The following HNRNPA0 variants were observed in gnomAD, a reference collection of about 807,000 sequenced individuals.
HNRNPA0 encodes the protein hnRNA binding protein.
For synonymous variants in HNRNPA0, 243 were observed against 195.5 expected, an observed-to-expected ratio of 1.24 and a Z score of -2.03; for missense variants, 252 against 433.7, an observed-to-expected ratio of 0.58 and a Z score of 3.72.
Position 137,753,038 on chromosome 5 carries a change from C to T in HNRNPA0, c.*111G>A. The T allele has an allele frequency of 8.0e-7, 1 of 1,248,718 alleles. No homozygotes were observed. Among genetic ancestry groups the T allele is most frequent in the Admixed American group, 2.6e-5 (1 of 39,202 alleles). The allele number at this position is 1,248,718 out of a possible 1,614,324, so 77.4% of individuals were successfully genotyped here. A position where few individuals can be genotyped will look rare whatever the true frequency, so the allele number is the denominator to read the frequency against. On this transcript the variant is annotated 3_prime_UTR_variant, in exon 1 of 1. Coordinates refer to ENST00000314940, the MANE Select transcript of HNRNPA0 (RefSeq NM_006805.4). This position sits in a 1 kb window ranked among gnomAD's most constrained non-coding sequence, Gnocchi z 6.1. ...GCCTTAGAAGTGGCTCCCCCAAGGG[C>T]AAAACAGGGAAGGCGGTGTGTGTGA...
rs1279000075 is a variant in HNRNPA0, at chr5:137,748,293, T to G, written c.*4856A>C. On this transcript the variant is annotated 3_prime_UTR_variant, in exon 1 of 1. Coordinates refer to ENST00000314940, the MANE Select transcript of HNRNPA0 (RefSeq NM_006805.4). The stretch of plus-strand genomic sequence containing the variant: ...CACCTCTCCTCAACACTCACATTAT[T>G]TATACCTTCCTAATATTAACAAATA... 6.6e-6 allele frequency: 1 copy of G among 152,154 alleles called. No homozygotes were observed. Among genetic ancestry groups the G allele is most frequent in the Non-Finnish European group, 1.5e-5 (1 of 68,022 alleles). 9.4% of individuals were successfully genotyped at this position (152,154 alleles called of 1,614,324 possible).
chr5:137,747,657 T>TA lies in HNRNPA0; in HGVS notation c.*5491dup, dbSNP rs1753429986. On this transcript the variant is annotated 3_prime_UTR_variant, in exon 1 of 1. Coordinates refer to ENST00000314940, the MANE Select transcript of HNRNPA0 (RefSeq NM_006805.4). ...CTTACCTGGTTAACATCAGTTGTCT[T>TA]AGCAAACTTGCCACTTTGAAACATC... The TA allele has an allele frequency of 6.6e-6, 1 of 152,252 alleles. No homozygotes were observed. Among genetic ancestry groups the TA allele is most frequent in the African/African-American group, 2.4e-5 (1 of 41,464 alleles). The allele number at this position is 152,252 out of a possible 1,614,324, so 9.4% of individuals were successfully genotyped here.
chr5:137,753,367 A>AGGCATTGCAGCCGCCGCCTCCGCC lies in HNRNPA0; in HGVS notation c.699_700insGGCGGAGGCGGCGGCTGCAATGCC (p.Ala233_Tyr234insGlyGlyGlyGlyGlyCysAsnAla), dbSNP rs1753543311. ...GACGAACCGCCGCCGCCGCCTCCGT[A>AGGCATTGCAGCCGCCGCCTCCGCC]GGCATTGTAGCCGCCGCCTCCGCCG... On this transcript the variant is annotated inframe_insertion, in exon 1 of 1. Transcript: ENST00000314940. The surrounding 1 kb of genome is among the most constrained non-coding windows in gnomAD (Gnocchi z 6.1). 2 of 1,546,984 alleles carry AGGCATTGCAGCCGCCGCCTCCGCC rather than the reference A, an allele frequency of 1.3e-6. No homozygotes were observed. Among genetic ancestry groups the AGGCATTGCAGCCGCCGCCTCCGCC allele is most frequent in the East Asian group, 4.9e-5 (2 of 40,828 alleles).
At position 137,753,493 on chromosome 5, in the gene HNRNPA0, G is replaced by A. The variant is rs1429093815; in HGVS notation, c.574C>T (p.Arg192Trp). The A allele has an allele frequency of 6.3e-7, 1 of 1,590,428 alleles. No homozygotes were observed. The highest frequency in any genetic ancestry group is 1.8e-5 in the Admixed American group (1 of 56,258). The change falls in exon 1 of 1, where the codon CGG (arginine) becomes TGG (tryptophan). Residue 192 changes from arginine to tryptophan, a missense_variant. By Grantham distance (101) the Arg-to-Trp change is moderately radical. Transcript: ENST00000314940. The surrounding 1 kb of genome is among the most constrained non-coding windows in gnomAD (Gnocchi z 6.1). ...CGCCCCCGGCCGCCTCGGCCGCCCCGGGAGGATCGGGAGCCGCCTCCACCC... is the reference window on the plus strand; with the variant it reads ...CGCCCCCGGCCGCCTCGGCCGCCCCAGGAGGATCGGGAGCCGCCTCCACCC... ...GGGGGGSRSS[R>W]GGRGGRGRGG... is the part of the protein sequence containing the mutation.
In HNRNPA0 at chr5:137,747,252, T is replaced by A. The variant is rs1439329374; in HGVS notation, c.*5897A>T. The A allele has an allele frequency of 1.3e-5, 2 of 152,142 alleles. No individual in the cohort carries two copies. The highest frequency in any genetic ancestry group is 2.9e-5 in the Non-Finnish European group (2 of 68,022). 9.4% of individuals were successfully genotyped at this position (152,142 alleles called of 1,614,324 possible). ...TTTCTATCACTGTCCAAACCCACCA[T>A]GAATAAAGCCAGAAAAGAGAGTATG... On this transcript the variant is annotated 3_prime_UTR_variant, in exon 1 of 1. Coordinates refer to ENST00000314940, the MANE Select transcript of HNRNPA0 (RefSeq NM_006805.4).
chr5:137,753,386 TCCGCCG>T lies in HNRNPA0; in HGVS notation c.675_680del (p.Gly229_Gly230del), dbSNP rs758261791. The T allele has an allele frequency of 6.5e-7, 1 of 1,544,224 alleles. No individual in the cohort carries two copies. Among genetic ancestry groups the T allele is most frequent in the Non-Finnish European group, 8.7e-7 (1 of 1,145,558 alleles). The stretch of plus-strand genomic sequence containing the variant: ...CTCCGTAGGCATTGTAGCCGCCGCC[TCCGCCG>T]CCGCCGTAACCACCGTAGCTGTTGT... On this transcript the variant is annotated inframe_deletion, in exon 1 of 1. Transcript: ENST00000314940. This position sits in a 1 kb window ranked among gnomAD's most constrained non-coding sequence, Gnocchi z 6.1.
rs943443689 is a variant in HNRNPA0 at position 137,747,245 on chromosome 5, C to T, written c.*5904G>A. On this transcript the variant is annotated 3_prime_UTR_variant, in exon 1 of 1. Coordinates refer to ENST00000314940, the MANE Select transcript of HNRNPA0 (RefSeq NM_006805.4). Reference sequence around the variant, plus strand: ...CCTCACTTTTCTATCACTGTCCAAACCCACCATGAATAAAGCCAGAAAAGA... The same window carrying T: ...CCTCACTTTTCTATCACTGTCCAAATCCACCATGAATAAAGCCAGAAAAGA... 1 of 152,118 alleles carries T rather than the reference C, an allele frequency of 6.6e-6. No homozygotes were observed. The highest frequency in any genetic ancestry group is 2.4e-5 in the African/African-American group (1 of 41,410). The allele number at this position is 152,118 out of a possible 1,614,324, so 9.4% of individuals were successfully genotyped here.
At position 137,748,426 on chromosome 5, in the gene HNRNPA0, CA is replaced by C. The variant is rs1276518641; in HGVS notation, c.*4722del. On this transcript the variant is annotated 3_prime_UTR_variant, in exon 1 of 1. Coordinates refer to ENST00000314940, the MANE Select transcript of HNRNPA0 (RefSeq NM_006805.4). ...GGAAGCTCACCCAGCAAGTAAAGAGCAAAGCCTAAAGACCATGCATATCTCG... is the reference window on the plus strand; with the variant it reads ...GGAAGCTCACCCAGCAAGTAAAGAGCAAGCCTAAAGACCATGCATATCTCG... 6.6e-6 allele frequency: 1 copy of C among 152,110 alleles called. No individual in the cohort carries two copies. Among genetic ancestry groups the C allele is most frequent in the East Asian group, 1.9e-4 (1 of 5,202 alleles). 9.4% of individuals were successfully genotyped at this position (152,110 alleles called of 1,614,324 possible).
chr5:137,754,166 G>T lies in HNRNPA0; in HGVS notation c.-100C>A. On this transcript the variant is annotated 5_prime_UTR_variant, in exon 1 of 1. Transcript: ENST00000314940. ...GCCTCTACACAGCTTGGGCCCAGCCGTTGCTGGAGCCACCCCCGCCGCTCA... is the reference window on the plus strand; with the variant it reads ...GCCTCTACACAGCTTGGGCCCAGCCTTTGCTGGAGCCACCCCCGCCGCTCA... 7.0e-7 allele frequency: 1 copy of T among 1,421,692 alleles called. No homozygotes were observed. Among genetic ancestry groups the T allele is most frequent in the South Asian group, 1.5e-5 (1 of 66,162 alleles). The allele number at this position is 1,421,692 out of a possible 1,614,324, so 88.1% of individuals were successfully genotyped here. A position where few individuals can be genotyped will look rare whatever the true frequency, so the allele number is the denominator to read the frequency against.
chr5:137,753,273 T>C lies in HNRNPA0; in HGVS notation c.794A>G (p.Tyr265Cys). The C allele has an allele frequency of 6.2e-7, 1 of 1,600,676 alleles. No homozygotes were observed. Among genetic ancestry groups the C allele is most frequent in the Non-Finnish European group, 8.5e-7 (1 of 1,173,576 alleles). ...GCCGCCGCCGCTCTTCATGGGCCCA[T>C]AGGAGGACTGATGCTGGCTGTAGCT... ...FGSYSQHQSS[Y>C]GPMKSGGGGG... Residue 265 changes from tyrosine to cysteine, a missense_variant, in exon 1 of 1, where the codon TAT becomes TGT. Physicochemically the swap from Tyr to Cys is radical, Grantham distance 194 (BLOSUM62 -2). Coordinates refer to ENST00000314940, the MANE Select transcript of HNRNPA0 (RefSeq NM_006805.4). This position sits in a 1 kb window ranked among gnomAD's most constrained non-coding sequence, Gnocchi z 6.1.
At position 137,753,132 on chromosome 5, in the gene HNRNPA0, G is replaced by A. The variant is rs1309240101; in HGVS notation, c.*17C>T. 2.5e-6 allele frequency: 4 copies of A among 1,606,122 alleles called. No homozygotes were observed. Among genetic ancestry groups the A allele is most frequent in the Admixed American group, 3.4e-5 (2 of 59,440 alleles). ...GAGCTACCCCTATAGCCACTCCCAG[G>A]CATTTTAAATTTTCTTTTAGAAGGA... On this transcript the variant is annotated 3_prime_UTR_variant, in exon 1 of 1. Coordinates refer to ENST00000314940, the MANE Select transcript of HNRNPA0 (RefSeq NM_006805.4). This position sits in a 1 kb window ranked among gnomAD's most constrained non-coding sequence, Gnocchi z 6.1.
rs1215640116 is a variant in HNRNPA0 at position 137,753,481 on chromosome 5, C to G, written c.586G>C (p.Gly196Arg). 1.9e-6 allele frequency: 3 copies of G among 1,579,084 alleles called. No homozygotes were observed. In the Admixed American group the frequency reaches 5.5e-5, roughly 29 times the overall value. ...CGACCACCGCCGCGCCCCCGGCCGCCTCGGCCGCCCCGGGAGGATCGGGAG... is the reference window on the plus strand; with the variant it reads ...CGACCACCGCCGCGCCCCCGGCCGCGTCGGCCGCCCCGGGAGGATCGGGAG... ...GGSRSSRGGR[G>R]GRGRGGGRDQ... Residue 196 changes from glycine to arginine, a missense_variant, in exon 1 of 1, where the codon GGC becomes CGC. Transcript: ENST00000314940. This position sits in a 1 kb window ranked among gnomAD's most constrained non-coding sequence, Gnocchi z 6.1.
At position 137,753,931 on chromosome 5, in the gene HNRNPA0, G is replaced by A; in HGVS notation, c.136C>T (p.Arg46Cys). The A allele has an allele frequency of 6.2e-7, 1 of 1,614,084 alleles. No homozygotes were observed. Among genetic ancestry groups the A allele is most frequent in the Non-Finnish European group, 8.5e-7 (1 of 1,180,038 alleles). The change falls in exon 1 of 1, where the codon CGC becomes TGC. Residue 46 changes from arginine (R) to cysteine (C), a missense_variant. By Grantham distance (180) the Arg-to-Cys change is radical (BLOSUM62 -3). Coordinates refer to ENST00000314940, the MANE Select transcript of HNRNPA0 (RefSeq NM_006805.4). This position sits in a 1 kb window ranked among gnomAD's most constrained non-coding sequence, Gnocchi z 6.1. ...GTCACGAAGCCAAAGCAACGGGAGCGCTTGGTCTGGGGATTCACCACCACC... is the reference window on the plus strand; with the variant it reads ...GTCACGAAGCCAAAGCAACGGGAGCACTTGGTCTGGGGATTCACCACCACC... The part of the protein sequence containing the change: ...CVVVVNPQTK[R>C]SRCFGFVTYS...
Position 137,754,127 on chromosome 5 carries a change from T to C in HNRNPA0, c.-61A>G. On this transcript the variant is annotated 5_prime_UTR_variant, in exon 1 of 1. It adds an upstream start codon to the 5' untranslated region. Coordinates refer to ENST00000314940, the MANE Select transcript of HNRNPA0 (RefSeq NM_006805.4). ...TCCGAGGTTTCGCCGTCGCCGCCGT[T>C]ATCGTTGGTTAAGGCCTCTACACAG... The C allele has an allele frequency of 6.5e-7, 1 of 1,533,244 alleles. No individual in the cohort carries two copies. Among genetic ancestry groups the C allele is most frequent in the South Asian group, 1.3e-5 (1 of 79,826 alleles). The allele number at this position is 1,533,244 out of a possible 1,614,324, so 95.0% of individuals were successfully genotyped here.
At position 137,747,996 on chromosome 5, in the gene HNRNPA0, C is replaced by T. The variant is rs190801185; in HGVS notation, c.*5153G>A. Reference sequence around the variant, plus strand: ...ACTCTCAGTTCTACCATGTCACCAGCTGGGGGTCCTTGGGAGTTACTTTTC... The same window carrying T: ...ACTCTCAGTTCTACCATGTCACCAGTTGGGGGTCCTTGGGAGTTACTTTTC... On this transcript the variant is annotated 3_prime_UTR_variant, in exon 1 of 1. Coordinates refer to ENST00000314940, the MANE Select transcript of HNRNPA0 (RefSeq NM_006805.4). 6.6e-6 allele frequency: 1 copy of T among 152,286 alleles called. No homozygotes were observed. Among genetic ancestry groups the T allele is most frequent in the Admixed American group, 6.5e-5 (1 of 15,308 alleles). The allele number at this position is 152,286 out of a possible 1,614,324, so 9.4% of individuals were successfully genotyped here.
In HNRNPA0 at chr5:137,753,530, G is replaced by C. The variant is rs764256459; in HGVS notation, c.537C>G (p.Ile179Met). ...AGCCGCCTCCACCCCCACCGGAGTAGATATCCTCCTTGGGGACTGCTTTCT... is the reference window on the plus strand; with the variant it reads ...AGCCGCCTCCACCCCCACCGGAGTACATATCCTCCTTGGGGACTGCTTTCT... ...EVKKAVPKED[I>M]YSGGGGGGSR... Residue 179 changes from isoleucine to methionine, a missense_variant, in exon 1 of 1, where the codon ATC becomes ATG. Physicochemically the swap from Ile to Met is conservative, Grantham distance 10. Coordinates refer to ENST00000314940, the MANE Select transcript of HNRNPA0 (RefSeq NM_006805.4). This position sits in a 1 kb window ranked among gnomAD's most constrained non-coding sequence, Gnocchi z 6.1. The C allele has an allele frequency of 8.1e-6, 13 of 1,611,356 alleles. No homozygotes were observed. In the South Asian group the frequency reaches 1.3e-4, roughly 16 times the overall value.
Position 137,753,902 on chromosome 5 carries a change from G to A in HNRNPA0, c.165C>T (p.Tyr55=), listed in dbSNP as rs1465904079. The A allele has an allele frequency of 6.2e-7, 1 of 1,613,950 alleles. No individual in the cohort carries two copies. The highest frequency in any genetic ancestry group is 2.2e-5 in the East Asian group (1 of 44,854). ...CGGCGTCCGCCTCCTCCACATTGGA[G>A]TAGGTCACGAAGCCAAAGCAACGGG... The part of the protein sequence containing the change: ...KRSRCFGFVT[Y]SNVEEADAAM... Residue 55 remains tyrosine, a synonymous_variant, in exon 1 of 1, where the codon TAC becomes TAT. Coordinates refer to ENST00000314940, the MANE Select transcript of HNRNPA0 (RefSeq NM_006805.4). This position sits in a 1 kb window ranked among gnomAD's most constrained non-coding sequence, Gnocchi z 6.1.
At position 137,753,340 on chromosome 5, in the gene HNRNPA0, A is replaced by G; in HGVS notation, c.727T>C (p.Tyr243His). Reference protein sequence around the residue: ...AYGGGGGGSSYGGSDYGNGFG... With the variant: ...AYGGGGGGSSHGGSDYGNGFG... Reference sequence around the variant, plus strand: ...CCGTTACCGTAGTCGCTCCCACCGTAGGACGAACCGCCGCCGCCGCCTCCG... The same window carrying G: ...CCGTTACCGTAGTCGCTCCCACCGTGGGACGAACCGCCGCCGCCGCCTCCG... Residue 243 changes from tyrosine (Y) to histidine (H), a missense_variant, in exon 1 of 1, where the codon TAC (tyrosine) becomes CAC (histidine). Tyr to His is a moderately conservative substitution (Grantham distance 83). Coordinates refer to ENST00000314940, the MANE Select transcript of HNRNPA0 (RefSeq NM_006805.4). This position sits in a 1 kb window ranked among gnomAD's most constrained non-coding sequence, Gnocchi z 6.1. 6.4e-7 allele frequency: 1 copy of G among 1,551,806 alleles called. No individual in the cohort carries two copies. The highest frequency in any genetic ancestry group is 8.7e-7 in the Non-Finnish European group (1 of 1,148,768).
rs1445356924 is a variant in HNRNPA0, at chr5:137,747,620, T to TG, written c.*5528dup. ...GTCTATTTCCATTGCTCTTTGTTCATGCTCTCATTCTCTTACCTGGTTAAC... is the reference window on the plus strand; with the variant it reads ...GTCTATTTCCATTGCTCTTTGTTCATGGCTCTCATTCTCTTACCTGGTTAAC... On this transcript the variant is annotated 3_prime_UTR_variant, in exon 1 of 1. Transcript: ENST00000314940. The TG allele has an allele frequency of 7.9e-5, 12 of 152,254 alleles. No individual in the cohort carries two copies. Among genetic ancestry groups the TG allele is most frequent in the African/African-American group, 2.2e-4 (9 of 41,454 alleles). 9.4% of individuals were successfully genotyped at this position (152,254 alleles called of 1,614,324 possible). A position where few individuals can be genotyped will look rare whatever the true frequency, so the allele number is the denominator to read the frequency against.
Sources: allele counts gnomAD v4.1 joint callset, GRCh38; gene constraint gnomAD v4.1.1; non-coding constraint Gnocchi (gnomAD v3.1); transcripts MANE v1.5; gene names NCBI Gene and HGNC (gene_info 2026-07-23, HGNC 2026-07-21).